RAB18: variants seen among roughly 807,000 people sequenced by gnomAD.
RAB18 encodes RAB18, member RAS oncogene family.
A neutral mutation model predicts 28.5 loss-of-function variants in RAB18; 10 were observed. The observed-to-expected ratio is 0.35, with a 90% confidence interval of 0.22 to 0.60. RAB18 has a LOEUF of 0.60. Ranked by LOEUF, RAB18 falls within the 20% of genes least tolerant of loss-of-function variation. RAB18 has a pLI of 0.78. For missense variants in RAB18, 188 were observed against 244.2 expected (o/e 0.77, Z 1.53); for synonymous variants, 93 against 86.9 (o/e 1.07, Z -0.39).
In RAB18 at chr10:27,539,372, A is replaced by T. The variant is rs1175606849; in HGVS notation, c.*1321A>T. 1.0e-5 allele frequency: 3 copies of T among 293,636 alleles called. No homozygotes were observed. In the Admixed American group the frequency reaches 1.5e-4, roughly 15 times the overall value. The allele number at this position is 293,636 out of a possible 1,614,324, so 18.2% of individuals were successfully genotyped here. On this transcript the variant is annotated 3_prime_UTR_variant, in exon 7 of 7. Transcript: ENST00000356940. ...ATTGCAAATGATAAGCATTTTTGTG[A>T]GTGACCACCTTTGCAATATGTTTGT... is the stretch of plus-strand genomic sequence containing the variant.
chr10:27,520,929 A>T (rs1834537481), intron 2 of RAB18, among the ~76,000 whole-genome samples: 2 of 149,438 alleles, frequency 1.3e-5, no homozygotes, highest in Admixed American at 6.6e-5. Flanking sequence ...AAAAAAAAAA[A>T]AAAAAAAAAA....
At position 27,537,545 on chromosome 10, in the gene RAB18, A is replaced by G. The variant is rs72629761; in HGVS notation, c.446-331A>G. 0.023 allele frequency among the ~76,000 whole-genome samples: 3,538 copies of G among 152,290 alleles called. 316 individuals are homozygous for G. The East Asian group carries it at 0.3, about 13-fold the overall frequency. ...AGGAATAATATCTGCCTTGGGAGCA[A>G]GTTGTAAGAGTTAACTGAAAGCTTA... is the stretch of plus-strand genomic sequence containing the variant. On this transcript the variant is annotated intron_variant, in intron 6 of 6. Coordinates refer to ENST00000356940, the MANE Select transcript of RAB18 (RefSeq NM_021252.5).
At chr10:27,515,395 G>A (rs1474051677) in intron 2 of RAB18, among the ~76,000 whole-genome samples, 3 of 152,084 alleles carry the variant, frequency 2.0e-5, no homozygotes, top group Non-Finnish European at 2.9e-5. Flanking sequence ...CCTAGAAAAT[G>A]AATGTAAAAC....
chr10:27,526,957 G>C, intron 3 of RAB18, 68 bp downstream of exon 3: 1 of 1,498,152 alleles, frequency 6.7e-7, no homozygotes, highest in East Asian at 2.3e-5. Flanking sequence ...AAATTGATTT[G>C]TGTAGTGTTC....
At position 27,542,182 on chromosome 10, in the gene RAB18, A is replaced by G. The variant is rs540759797; in HGVS notation, c.*4131A>G. 720 of 454,070 alleles carry G rather than the reference A, an allele frequency of 1.6e-3. 8 individuals carry two copies. Among genetic ancestry groups the G allele is most frequent in the South Asian group, 0.011 (711 of 64,480 alleles). The allele number at this position is 454,070 out of a possible 1,614,324, so 28.1% of individuals were successfully genotyped here. On this transcript the variant is annotated 3_prime_UTR_variant, in exon 7 of 7. Coordinates refer to ENST00000356940, the MANE Select transcript of RAB18 (RefSeq NM_021252.5). ...TGGATCAAATTGGACCTGAATTGAGATCTATTTCTCAGCTTTCACTTATGT... is the reference window on the plus strand; with the variant it reads ...TGGATCAAATTGGACCTGAATTGAGGTCTATTTCTCAGCTTTCACTTATGT...
At chr10:27,520,936 A>G (rs1451936019) in intron 2 of RAB18, among the ~76,000 whole-genome samples, 1 of 150,354 alleles carries the variant, frequency 6.7e-6, no homozygotes, top group African/African-American at 2.4e-5. Context: ...AAAAAAAAAA[A>G]AAAAAGAAAA....
chr10:27,533,661 C>T lies in RAB18; in HGVS notation c.260-74C>T, dbSNP rs1215252295. The T allele has an allele frequency of 2.5e-6, 4 of 1,577,094 alleles. No homozygotes were observed. The African/African-American group carries it at 5.4e-5, about 21-fold the overall frequency. ...CTATATTGCTTAGTAATGCTAACTC[C>T]TAGCTACATATCAGAAATACGCCAT... On this transcript the variant is annotated intron_variant, in intron 4 of 6. Coordinates refer to ENST00000356940, the MANE Select transcript of RAB18 (RefSeq NM_021252.5).
At chr10:27,531,892 T>A (rs1834795862) in intron 3 of RAB18, among the ~76,000 whole-genome samples, 1 of 152,044 alleles carries the variant, frequency 6.6e-6, no homozygotes, top group African/African-American at 2.4e-5. Context: ...CCCTGCTTTA[T>A]GAAATTTACA....
intron 1 of RAB18, 152 bp downstream of exon 1, chr10:27,504,589 C>G (rs1837758447): frequency 1.1e-6 from 1 of 925,712 alleles, no homozygotes; most frequent in Admixed American, 2.0e-5. Context: ...GCCGCGCTCT[C>G]CCGCGACGTT....
intron 2 of RAB18, among the ~76,000 whole-genome samples, chr10:27,513,729 G>T (rs1033215813): frequency 2.6e-5 from 4 of 152,192 alleles, no homozygotes; most frequent in Non-Finnish European, 5.9e-5. Flanking sequence ...AAGTAGGTAG[G>T]ATGCCGTGGC....
intron 3 of RAB18, among the ~76,000 whole-genome samples, chr10:27,528,564 C>A (rs947505507): frequency 6.6e-6 from 1 of 152,106 alleles, no homozygotes; most frequent in Non-Finnish European, 1.5e-5. Flanking sequence ...CCTACCACCT[C>A]ACCCCCACTC....
At chr10:27,534,675 G>C (rs1441211304) in intron 6 of RAB18, among the ~76,000 whole-genome samples, 1 of 152,218 alleles carries the variant, frequency 6.6e-6, no homozygotes, top group Non-Finnish European at 1.5e-5. Context: ...AATCACCTGG[G>C]CCCTGTGCCT....
intron 2 of RAB18, among the ~76,000 whole-genome samples, chr10:27,512,420 C>T (rs1293766516): frequency 6.6e-6 from 1 of 152,098 alleles, no homozygotes. Context: ...ATTCTGGTGC[C>T]TCAGCCTCCT....
chr10:27,541,998 C>A lies in RAB18; in HGVS notation c.*3947C>A. On this transcript the variant is annotated 3_prime_UTR_variant, in exon 7 of 7. Coordinates refer to ENST00000356940, the MANE Select transcript of RAB18 (RefSeq NM_021252.5). The stretch of plus-strand genomic sequence containing the variant: ...AGACTACTGAGATAAAGATGTTTGC[C>A]TAGGCTTTTTCAGGAGCAATTGAAG... 2.2e-6 allele frequency: 1 copy of A among 454,014 alleles called. No individual in the cohort carries two copies. The highest frequency in any genetic ancestry group is 4.4e-6 in the Non-Finnish European group (1 of 226,772). The allele number at this position is 454,014 out of a possible 1,614,324, so 28.1% of individuals were successfully genotyped here. A position where few individuals can be genotyped will look rare whatever the true frequency, so the allele number is the denominator to read the frequency against.
At chr10:27,514,523 T>TA (rs1834392262) in intron 2 of RAB18, among the ~76,000 whole-genome samples, 1 of 151,946 alleles carries the variant, frequency 6.6e-6, no homozygotes. Flanking sequence ...TAGAGAACTG[T>TA]GGAAAATACA....
intron 3 of RAB18, among the ~76,000 whole-genome samples, chr10:27,529,289 A>G (rs1834741001): frequency 6.6e-6 from 1 of 151,892 alleles, no homozygotes; most frequent in Non-Finnish European, 1.5e-5. Context: ...TTTAATATTT[A>G]TATGGTTGGA....
intron 2 of RAB18, among the ~76,000 whole-genome samples, chr10:27,514,996 T>G (rs1349457517): frequency 1.3e-5 from 2 of 152,010 alleles, no homozygotes; most frequent in East Asian, 3.9e-4. Flanking sequence ...AACTCCTGGG[T>G]TCAAGCAGTC....
At chr10:27,531,455 ACCCT>A (rs1834786134) in intron 3 of RAB18, 7 of 1,488,910 alleles carry the variant, frequency 4.7e-6, no homozygotes, top group Non-Finnish European at 6.3e-6. Flanking sequence ...CCCATAACAA[ACCCT>A]CATTTACAGC....
At chr10:27,531,531 T>C (rs1427661035) in intron 3 of RAB18, 2 of 1,520,232 alleles carry the variant, frequency 1.3e-6, no homozygotes, top group Non-Finnish European at 1.8e-6. Flanking sequence ...TTCTTTAGGT[T>C]ACTTTGCATC....
Sources: gnomAD v4.1 joint callset for allele counts (sites outside exome capture counted in the v4.1 genomes callset) on GRCh38, gnomAD v4.1.1 for gene constraint, MANE v1.5 for transcripts, NCBI Gene and HGNC (gene_info 2026-07-23, HGNC 2026-07-21) for gene names.